The following GLYATL1 variants were observed in gnomAD, a reference collection of about 807,000 sequenced individuals.
GLYATL1 encodes glycine-N-acyltransferase like 1.
Under a neutral mutation model 20.0 loss-of-function variants are expected in GLYATL1, and 15 were observed. The ratio of observed to expected loss-of-function variants is 0.75; its 90% CI spans 0.50 to 1.15. GLYATL1 has a LOEUF of 1.15. GLYATL1 is among the 50% of genes most tolerant of loss of function. GLYATL1 has a pLI of 0.00. For synonymous variants in GLYATL1, 151 were observed against 131.5 expected (o/e 1.15, Z -1.01); for missense variants, 380 against 368.5 (o/e 1.03, Z -0.26).
At position 58,939,495 on chromosome 11, in the gene GLYATL1, C is replaced by G. The variant is rs893294209; in HGVS notation, c.-322C>G. 2 of 152,280 alleles carry G rather than the reference C, an allele frequency of 1.3e-5. No individual in the cohort carries two copies. Among genetic ancestry groups the G allele is most frequent in the Admixed American group, 6.5e-5 (1 of 15,278 alleles). 9.4% of individuals were successfully genotyped at this position (152,280 alleles called of 1,614,324 possible). On this transcript the variant is annotated 5_prime_UTR_variant, in exon 1 of 7. Coordinates refer to ENST00000532726, the MANE Select transcript of GLYATL1 (RefSeq NM_001389712.2). ...ACCAGGAACACTTTGGCTCAGTTGC[C>G]ATGGGCCAGGAGTCTCACAGAACTA... is the stretch of plus-strand genomic sequence containing the variant.
chr11:58,915,603 T>C (rs139972870), intron 1 of GLYATL1, among the ~76,000 whole-genome samples: 1 of 152,294 alleles, frequency 6.6e-6, no homozygotes, highest in Non-Finnish European at 1.5e-5. Context: ...ACCTCAGATA[T>C]ATTAAGTCAT....
chr11:58,937,376 TCC>T (rs1309793721), upstream of GLYATL1, among the ~76,000 whole-genome samples: 2 of 152,184 alleles, frequency 1.3e-5, no homozygotes, highest in Non-Finnish European at 2.9e-5. Flanking sequence ...GGTCCCAGTG[TCC>T]TCCTGTCATC....
intron 1 of GLYATL1, chr11:58,934,306 G>A (rs1029482060): frequency 2.6e-5 from 4 of 152,446 alleles, no homozygotes; most frequent in African/African-American, 4.8e-5. Context: ...TAATGAAGTC[G>A]GCCTGTACCC....
chr11:58,947,895 C>T lies in GLYATL1; in HGVS notation c.116C>T (p.Pro39Leu). 1 of 1,613,966 alleles carries T rather than the reference C, an allele frequency of 6.2e-7. No homozygotes were observed. The highest frequency in any genetic ancestry group is 1.6e-4 in the Middle Eastern group (1 of 6,062). The change falls in exon 4 of 7, where the codon CCC becomes CTC. Residue 39 changes from proline (P) to leucine (L), a missense_variant. By Grantham distance (98) the Pro-to-Leu change is moderately conservative (BLOSUM62 -3). Transcript: ENST00000532726. The part of the protein sequence containing the change: ...GSVYHINHGN[P>L]FNMEVLVDSW... ...GTGTATCACATCAATCACGGGAACCCCTTCAACATGGAGGTGCTGGTGGAT... is the reference window on the plus strand; with the variant it reads ...GTGTATCACATCAATCACGGGAACCTCTTCAACATGGAGGTGCTGGTGGAT...
At chr11:58,909,550 T>G (rs543002697), downstream of GLYATL1, among the ~76,000 whole-genome samples, 4 of 152,314 alleles carry the variant, frequency 2.6e-5, no homozygotes, top group African/African-American at 9.6e-5. Context: ...CTAAAACTAA[T>G]TTATTCTTTT....
chr11:58,928,788 T>A (rs994741549), intron 1 of GLYATL1: 1 of 152,232 alleles, frequency 6.6e-6, no homozygotes, highest in African/African-American at 2.4e-5. Context: ...TTAACATGGT[T>A]AAGAGAGTAG....
intron 1 of GLYATL1, 184 bp from the exon 2 acceptor site, chr11:58,943,359 T>C: frequency 6.5e-7 from 1 of 1,547,402 alleles, no homozygotes; most frequent in South Asian, 1.2e-5. Context: ...TTTGTTTCTG[T>C]ACCTGATTTC....
chr11:58,949,754 C>T (rs1856832661), intron 4 of GLYATL1, among the ~76,000 whole-genome samples: 1 of 151,908 alleles, frequency 6.6e-6, no homozygotes, highest in Admixed American at 6.6e-5. Flanking sequence ...AGTCTGATTC[C>T]ATAGCATACC....
In GLYATL1 at chr11:58,947,079, T is replaced by A. The variant is rs757246287; in HGVS notation, c.-9T>A. ...CTTCAAGGTCTCAAGGTCTGAAGCA[T>A]CCCACAGAATGATCCTACTGAATAA... On this transcript the variant is annotated 5_prime_UTR_variant, in exon 3 of 7. Coordinates refer to ENST00000532726, the MANE Select transcript of GLYATL1 (RefSeq NM_001389712.2). The A allele has an allele frequency of 1.1e-5, 18 of 1,613,994 alleles. No homozygotes were observed. Among genetic ancestry groups the A allele is most frequent in the Non-Finnish European group, 1.4e-5 (17 of 1,179,846 alleles).
At chr11:58,924,042 C>T (rs548157046), upstream of GLYATL1, among the ~76,000 whole-genome samples, 2 of 152,258 alleles carry the variant, frequency 1.3e-5, no homozygotes, top group East Asian at 1.9e-4. Flanking sequence ...ATGAATAACT[C>T]GTACGCTGAG....
exon 2 of GLYATL1, chr11:58,907,255 T>G (rs1046823297): frequency 6.6e-6 from 3 of 456,166 alleles, no homozygotes; most frequent in Non-Finnish European, 1.3e-5. Flanking sequence ...CCCGCCAGGT[T>G]TGTGGCCTGT....
Position 58,955,469 on chromosome 11 carries a change from G to T in GLYATL1, c.491+116G>T. On this transcript the variant is annotated intron_variant, in intron 6 of 6. Coordinates refer to ENST00000532726, the MANE Select transcript of GLYATL1 (RefSeq NM_001389712.2). ...AATTCATTCCTTGGGATGAATAAAG[G>T]TTGTCAAAGTTCAAGATCCAAAACT... 8.1e-6 allele frequency: 11 copies of T among 1,353,204 alleles called. No individual in the cohort carries two copies. In the South Asian group the frequency reaches 1.1e-4, roughly 14 times the overall value. The allele number at this position is 1,353,204 out of a possible 1,614,324, so 83.8% of individuals were successfully genotyped here. A position where few individuals can be genotyped will look rare whatever the true frequency, so the allele number is the denominator to read the frequency against.
In GLYATL1 at chr11:58,947,138, G is replaced by A. The variant is rs1233554938; in HGVS notation, c.51G>A (p.Leu17=). The change falls in exon 3 of 7, where the codon TTG becomes TTA. Residue 17 remains leucine (L), a synonymous_variant. Coordinates refer to ENST00000532726, the MANE Select transcript of GLYATL1 (RefSeq NM_001389712.2). ...AGCTGCTGGCCCTATACAAATCCTT[G>A]GCCAGGAGCATCCCTGAGTCCCTGA... ...SHKLLALYKS[L]ARSIPESLKV... 5.6e-6 allele frequency: 9 copies of A among 1,613,794 alleles called. No homozygotes were observed. The highest frequency in any genetic ancestry group is 1.3e-5 in the African/African-American group (1 of 74,902).
At chr11:58,924,571 C>T (rs1160061311), upstream of GLYATL1, among the ~76,000 whole-genome samples, 1 of 152,162 alleles carries the variant, frequency 6.6e-6, no homozygotes, top group African/African-American at 2.4e-5. Flanking sequence ...AACATTTCCC[C>T]GTTTTTGTTT....
At chr11:58,922,408 C>A (rs1376920211) in intron 1 of GLYATL1, among the ~76,000 whole-genome samples, 1 of 152,172 alleles carries the variant, frequency 6.6e-6, no homozygotes. Context: ...GTTCTCCTCC[C>A]TGGATGTGGC....
intron 1 of GLYATL1, among the ~76,000 whole-genome samples, chr11:58,932,309 T>C (rs1169963800): frequency 6.6e-6 from 1 of 152,106 alleles, no homozygotes; most frequent in Non-Finnish European, 1.5e-5. Context: ...CATAGAATAA[T>C]GAGAACTCTC....
In GLYATL1 at chr11:58,947,044, A is replaced by G. The variant is rs957766431; in HGVS notation, c.-42-2A>G. 5 of 1,607,854 alleles carry G rather than the reference A, an allele frequency of 3.1e-6. No individual in the cohort carries two copies. Among genetic ancestry groups the G allele is most frequent in the Non-Finnish European group, 3.4e-6 (4 of 1,174,304 alleles). On this transcript the variant is annotated splice_acceptor_variant, in intron 2 of 6. Transcript: ENST00000532726. LOFTEE classifies it low-confidence loss of function (5UTR_SPLICE). ...TTTTCCCTTCATTTCTTATCTTTTCAGAGTTTCTTCTTCAAGGTCTCAAGG... is the reference window on the plus strand; with the variant it reads ...TTTTCCCTTCATTTCTTATCTTTTCGGAGTTTCTTCTTCAAGGTCTCAAGG...
chr11:58,942,324 T>C (rs1856217174), intron 1 of GLYATL1, among the ~76,000 whole-genome samples: 1 of 152,188 alleles, frequency 6.6e-6, no homozygotes, highest in Non-Finnish European at 1.5e-5. Flanking sequence ...GAAAGCAATA[T>C]CTCTAGCTTC....
intron 1 of GLYATL1, among the ~76,000 whole-genome samples, chr11:58,919,833 A>G (rs1450806086): frequency 6.6e-6 from 1 of 152,208 alleles, no homozygotes; most frequent in African/African-American, 2.4e-5. Context: ...GCCATGGCAC[A>G]TAGAAATGTC....
Sources: allele counts gnomAD v4.1 joint callset (sites outside exome capture counted in the v4.1 genomes callset), GRCh38; gene constraint gnomAD v4.1.1; transcripts MANE v1.5; gene names NCBI Gene and HGNC (gene_info 2026-07-23, HGNC 2026-07-21).